Variants in LARGE1 observed in about 807,000 individuals in gnomAD.
LARGE1 encodes the protein LARGE xylosyl- and glucuronyltransferase 1.
In LARGE1, 43 loss-of-function variants were observed where a neutral mutation model predicts 87.6. The ratio of observed to expected loss-of-function variants is 0.49; its 90% CI spans 0.38 to 0.63. The LOEUF is 0.63. LARGE1 is among the 30% of genes least tolerant of loss of function. LARGE1 has a pLI of 0.00. For missense variants in LARGE1, 802 were observed against 1,000.2 expected, an observed-to-expected ratio of 0.80 and a Z score of 2.67; for synonymous variants, 434 against 394.6, an observed-to-expected ratio of 1.10 and a Z score of -1.18.
In LARGE1 at chr22:33,324,831, CA is replaced by C. The variant is rs1439508632; in HGVS notation, c.1288-8584del. On this transcript the variant is annotated intron_variant, in intron 10 of 14. Coordinates refer to ENST00000397394, the MANE Select transcript of LARGE1 (RefSeq NM_133642.5). The stretch of plus-strand genomic sequence containing the variant: ...CACTCATTTTCTATGCGACCTTGAG[CA>C]AGTCATGTCTCTGAATTAGTAAGAC... Among the ~76,000 whole-genome samples the C allele has an allele frequency of 2.0e-5, 3 of 152,164 alleles. No individual in the cohort carries two copies. In the East Asian group the frequency reaches 5.8e-4, roughly 29 times the overall value.
chr22:33,579,086 T>G (rs914310457), intron 5 of LARGE1, among the ~76,000 whole-genome samples: 10 of 152,188 alleles, frequency 6.6e-5, no homozygotes, highest in African/African-American at 2.2e-4. Context: ...TTCTGTACTT[T>G]AGAGTGTGTG....
chr22:33,819,377 G>A (rs565224870), intron 1 of LARGE1, among the ~76,000 whole-genome samples: 5 of 152,142 alleles, frequency 3.3e-5, no homozygotes, highest in East Asian at 3.9e-4. Flanking sequence ...CAGACCTTCT[G>A]GTCACAAGCT....
At chr22:33,391,200 CTA>C (rs901738324) in intron 7 of LARGE1, among the ~76,000 whole-genome samples, 43 of 152,102 alleles carry the variant, frequency 2.8e-4, no homozygotes, top group African/African-American at 1.0e-3. Context: ...GTCATTTCGT[CTA>C]TGATTCATTT....
At chr22:33,277,293 G>A (rs1272748063) in intron 13 of LARGE1, 38 bp from the exon 14 acceptor site, 1 of 1,597,984 alleles carries the variant, frequency 6.3e-7, no homozygotes, top group Admixed American at 1.7e-5. Flanking sequence ...GTGTAGGGAA[G>A]GAAGCCAAGC....
At chr22:33,151,041 A>G in the LARGE1 span, among the ~76,000 whole-genome samples, 1 of 152,146 alleles carries the variant, frequency 6.6e-6, no homozygotes, top group Non-Finnish European at 1.5e-5. Flanking sequence ...TTTCAGGACA[A>G]TTGATATCTT....
At chr22:33,453,154 C>T (rs1209777647) in intron 6 of LARGE1, among the ~76,000 whole-genome samples, 1 of 152,218 alleles carries the variant, frequency 6.6e-6, no homozygotes, top group Non-Finnish European at 1.5e-5. Context: ...TGGTGGCTCA[C>T]GCCTGTAATC....
intron 1 of LARGE1, among the ~76,000 whole-genome samples, chr22:33,905,789 T>A (rs2065428530): frequency 6.6e-6 from 1 of 152,172 alleles, no homozygotes; most frequent in South Asian, 2.1e-4. Context: ...CAGAGCAACA[T>A]GCCAGAATAA....
intron 6 of LARGE1, among the ~76,000 whole-genome samples, chr22:33,523,016 G>GTTTTT (rs1448842555): frequency 6.6e-6 from 1 of 151,368 alleles, no homozygotes; most frequent in African/African-American, 2.4e-5. Flanking sequence ...GTTTTGTTTT[G>GTTTTT]TTTTTGAAAT....
In LARGE1 at chr22:33,277,275, G is replaced by A; in HGVS notation, c.1878-20C>T. 5 of 1,612,566 alleles carry A rather than the reference G, an allele frequency of 3.1e-6. No homozygotes were observed. The highest frequency in any genetic ancestry group is 4.2e-6 in the Non-Finnish European group (5 of 1,179,094). On this transcript the variant is annotated intron_variant, in intron 13 of 14. Transcript: ENST00000397394. ...TGGTACCTGAGACACACGGAGAAAA[G>A]CCATTGGGTGTAGGGAAGGAAGCCA...
In LARGE1 at chr22:33,274,243, A is replaced by G; in HGVS notation, c.*184T>C. The G allele has an allele frequency of 1.5e-6, 1 of 664,560 alleles. No homozygotes were observed. Among genetic ancestry groups the G allele is most frequent in the Non-Finnish European group, 2.7e-6 (1 of 371,614 alleles). 41.2% of individuals were successfully genotyped at this position (664,560 alleles called of 1,614,324 possible). A position where few individuals can be genotyped will look rare whatever the true frequency, so the allele number is the denominator to read the frequency against. On this transcript the variant is annotated 3_prime_UTR_variant, in exon 15 of 15. Coordinates refer to ENST00000397394, the MANE Select transcript of LARGE1 (RefSeq NM_133642.5). ...CTCTGGGAATGCAGGGTTGTGGGGC[A>G]GAGAGGGACTGGCTGGATCCTTGTC...
rs552191959 is a variant in LARGE1 at position 33,578,247 on chromosome 22, A to C, written c.616-13228T>G. Among the ~76,000 whole-genome samples the C allele has an allele frequency of 7.9e-5, 12 of 152,340 alleles. No individual in the cohort carries two copies. The South Asian group carries it at 1.9e-3, about 24-fold the overall frequency. ...TGCAGAAGGGAAAAATGTCACCCTT[A>C]AAAAGTAGTATAGAAGACGGTACAA... On this transcript the variant is annotated intron_variant, in intron 5 of 14. Coordinates refer to ENST00000397394, the MANE Select transcript of LARGE1 (RefSeq NM_133642.5).
downstream of LARGE1, among the ~76,000 whole-genome samples, chr22:33,161,716 C>G (rs1463029170): frequency 6.6e-6 from 1 of 152,204 alleles, no homozygotes; most frequent in Non-Finnish European, 1.5e-5. Context: ...GCTTTCACAG[C>G]CTTGGGCAGC....
chr22:33,341,967 T>C (rs1939194343), intron 9 of LARGE1, among the ~76,000 whole-genome samples: 1 of 152,212 alleles, frequency 6.6e-6, no homozygotes, highest in South Asian at 2.1e-4. Context: ...GCACTCCGCA[T>C]TCAGGAGAGT....
At chr22:33,337,960 C>T (rs114678150) in intron 9 of LARGE1, among the ~76,000 whole-genome samples, 159 bp from the exon 10 acceptor site, 31 of 152,206 alleles carry the variant, frequency 2.0e-4, no homozygotes, top group African/African-American at 7.0e-4. Context: ...GGTAGGGGCT[C>T]GGGGGCCAGG....
intron 6 of LARGE1, among the ~76,000 whole-genome samples, chr22:33,477,108 T>C (rs1220400673): frequency 6.6e-6 from 1 of 152,184 alleles, no homozygotes; most frequent in Non-Finnish European, 1.5e-5. Context: ...GTTTTCAAAG[T>C]GCCACTGGTG....
intron 6 of LARGE1, among the ~76,000 whole-genome samples, chr22:33,440,105 G>A (rs907116894): frequency 6.6e-6 from 1 of 152,118 alleles, no homozygotes; most frequent in African/African-American, 2.4e-5. Context: ...GAAATGTTTT[G>A]AAAGCACAAA....
chr22:33,476,853 G>A lies in LARGE1; in HGVS notation c.788-44588C>T, dbSNP rs76458678. 3.1e-3 allele frequency among the ~76,000 whole-genome samples: 470 copies of A among 152,242 alleles called. 3 individuals carry two copies. The highest frequency in any genetic ancestry group is 0.022 in the South Asian group (104 of 4,818). On this transcript the variant is annotated intron_variant, in intron 6 of 14. Transcript: ENST00000397394. ...TGTGGATAACTAACATTAGCAGAAC[G>A]TGCACACAGGACCTTTTCATGCACG...
chr22:33,256,123 G>A (rs1466568619), intron 11 of LARGE1, among the ~76,000 whole-genome samples: 1 of 152,204 alleles, frequency 6.6e-6, no homozygotes, highest in East Asian at 1.9e-4. Context: ...GACAAGCCAA[G>A]AATTTATCAG....
At chr22:33,868,913 C>A (rs1319022766) in intron 1 of LARGE1, among the ~76,000 whole-genome samples, 2 of 152,084 alleles carry the variant, frequency 1.3e-5, no homozygotes, top group Non-Finnish European at 2.9e-5. Flanking sequence ...AATGGGCAGC[C>A]ACTAGTACTT....
Sources: allele counts gnomAD v4.1 joint callset (sites outside exome capture counted in the v4.1 genomes callset), GRCh38; gene constraint gnomAD v4.1.1; transcripts MANE v1.5; gene names NCBI Gene and HGNC (gene_info 2026-07-23, HGNC 2026-07-21).